The following MBD6 variants were observed in gnomAD, a reference collection of about 807,000 sequenced individuals.
The protein encoded by MBD6 is methyl-CpG binding domain protein 6.
A neutral mutation model predicts 66.8 loss-of-function variants in MBD6; 22 were observed. The ratio of observed to expected loss-of-function variants is 0.33; its 90% confidence interval spans 0.24 to 0.47. The LOEUF is 0.47. Among genes scored for constraint, MBD6 ranks in the 20% least tolerant of loss-of-function variants. The probability of loss-of-function intolerance (pLI) is 1.00; values close to 1 mark genes in which losing one functional copy is unlikely to be tolerated. For missense variants in MBD6, 1,322 were observed against 1,286.9 expected, an observed-to-expected ratio of 1.03 and a Z score of -0.42; for synonymous variants, 540 against 534.6, an observed-to-expected ratio of 1.01 and a Z score of -0.14.
intron 2 of MBD6, 82 bp from the exon 3 acceptor site, chr12:57,524,198 C>A: frequency 1.2e-6 from 1 of 831,576 alleles, no homozygotes; most frequent in Non-Finnish European, 1.8e-6. Flanking sequence ...CTCCCCACAA[C>A]CTTTGCCTTC....
Position 57,526,965 on chromosome 12 carries a change from C to T in MBD6, c.1820C>T (p.Pro607Leu), listed in dbSNP as rs1565666898. The change falls in exon 7 of 13, where the codon CCC becomes CTC. Residue 607 changes from proline to leucine, a missense_variant. Pro to Leu is a moderately conservative substitution (Grantham distance 98). Coordinates refer to ENST00000355673, the MANE Select transcript of MBD6 (RefSeq NM_052897.4). ...GTGGCTTCCTTGCTTCCTCCACCAC[C>T]CTCAGACCTTCTTCCACCTCCTTCA... ...LLVASLLPPP[P>L]SDLLPPPSAP... The T allele has an allele frequency of 1.9e-6, 3 of 1,613,694 alleles. No homozygotes were observed. Among genetic ancestry groups the T allele is most frequent in the African/African-American group, 1.3e-5 (1 of 74,894 alleles).
At chr12:57,529,111 C>T (rs757561291) in intron 12 of MBD6, 49 bp from the exon 13 acceptor site, 1 of 1,613,368 alleles carries the variant, frequency 6.2e-7, no homozygotes, top group Non-Finnish European at 8.5e-7. Context: ...AGAAGACTTC[C>T]TGATACCTAG....
chr12:57,526,182 C>T lies in MBD6; in HGVS notation c.1214C>T (p.Ser405Phe). The change falls in exon 6 of 13, where the codon TCC becomes TTC. Residue 405 changes from serine (S) to phenylalanine (F), a missense_variant. Ser to Phe is a radical substitution (Grantham distance 155, BLOSUM62 -2). Transcript: ENST00000355673. Reference sequence around the variant, plus strand: ...CAACCCTTTTCTCTCCCGGAGCCATCCCAACCAATTCTCCCTTCTGTGCTG... The same window carrying T: ...CAACCCTTTTCTCTCCCGGAGCCATTCCAACCAATTCTCCCTTCTGTGCTG... The part of the protein sequence containing the change: ...VPQPFSLPEP[S>F]QPILPSVLSL... 1.2e-6 allele frequency: 2 copies of T among 1,614,162 alleles called. No homozygotes were observed. The highest frequency in any genetic ancestry group is 1.1e-5 in the South Asian group (1 of 91,082).
At position 57,525,357 on chromosome 12, in the gene MBD6, C is replaced by A. The variant is rs779423513; in HGVS notation, c.389C>A (p.Ala130Glu). The part of the protein sequence containing the change: ...TCSHSSPGEG[A>E]SPQMFHTVSP... Reference sequence around the variant, plus strand: ...TTTTCATTTATTGCAGGAGAGGGAGCGAGCCCCCAAATGTTCCACACTGTG... The same window carrying A: ...TTTTCATTTATTGCAGGAGAGGGAGAGAGCCCCCAAATGTTCCACACTGTG... Residue 130 changes from alanine (A) to glutamate (E), a missense_variant, in exon 6 of 13, where the codon GCG becomes GAG. Coordinates refer to ENST00000355673, the MANE Select transcript of MBD6 (RefSeq NM_052897.4). 6.4e-6 allele frequency: 10 copies of A among 1,562,640 alleles called. No individual in the cohort carries two copies. The highest frequency in any genetic ancestry group is 8.6e-6 in the Non-Finnish European group (10 of 1,160,788).
chr12:57,526,569 C>T lies in MBD6; in HGVS notation c.1424C>T (p.Ala475Val). 1 of 1,511,844 alleles carries T rather than the reference C, an allele frequency of 6.6e-7. No homozygotes were observed. Among genetic ancestry groups the T allele is most frequent in the Non-Finnish European group, 8.8e-7 (1 of 1,131,666 alleles). 93.7% of individuals were successfully genotyped at this position (1,511,844 alleles called of 1,614,324 possible). A position where few individuals can be genotyped will look rare whatever the true frequency, so the allele number is the denominator to read the frequency against. Reference sequence around the variant, plus strand: ...GAATTTCTCTCCTCTTTTACAGGTGCCCCTGCCCCACCAGCTGCCTCCAAA... The same window carrying T: ...GAATTTCTCTCCTCTTTTACAGGTGTCCCTGCCCCACCAGCTGCCTCCAAA... Reference protein sequence around the residue: ...TSGSLSSVPGAPAPPAASKAP... With the variant: ...TSGSLSSVPGVPAPPAASKAP... Residue 475 changes from alanine to valine, a missense_variant, in exon 7 of 13, where the codon GCC becomes GTC. By Grantham distance (64) the Ala-to-Val change is moderately conservative. Coordinates refer to ENST00000355673, the MANE Select transcript of MBD6 (RefSeq NM_052897.4).
At chr12:57,523,858 G>A (rs922637206) in intron 1 of MBD6, among the ~76,000 whole-genome samples, 171 bp from the exon 2 acceptor site, 1 of 152,248 alleles carries the variant, frequency 6.6e-6, no homozygotes, top group Non-Finnish European at 1.5e-5. Context: ...CTGGTCCCTA[G>A]GGACTGGGCT....
chr12:57,527,560 G>A lies in MBD6; in HGVS notation c.2136G>A (p.Thr712=), dbSNP rs754288532. The A allele has an allele frequency of 8.7e-6, 14 of 1,613,940 alleles. No homozygotes were observed. The highest frequency in any genetic ancestry group is 4.0e-5 in the African/African-American group (3 of 74,906). ...GACCACCTACCTCCAGTGTCACCAC[G>A]GCAACTACTGACCCGGGGGCCTCCT... ...QPGPPTSSVT[T]ATTDPGASSL... Residue 712 remains threonine, a synonymous_variant, in exon 8 of 13, where the codon ACG becomes ACA. Coordinates refer to ENST00000355673, the MANE Select transcript of MBD6 (RefSeq NM_052897.4).
At position 57,529,001 on chromosome 12, in the gene MBD6, A is replaced by G; in HGVS notation, c.2929A>G (p.Thr977Ala). ...RQDITLEPSP[T>A]ARAAVPLPPR... ...GGACATTACCTTGGAACCCAGCCCTACAGCCCGAGTAAGTGTGTGTTTGGG... is the reference window on the plus strand; with the variant it reads ...GGACATTACCTTGGAACCCAGCCCTGCAGCCCGAGTAAGTGTGTGTTTGGG... The change falls in exon 12 of 13, where the codon ACA becomes GCA. Residue 977 changes from threonine (T) to alanine (A), a missense_variant. Coordinates refer to ENST00000355673, the MANE Select transcript of MBD6 (RefSeq NM_052897.4). 1 of 1,614,062 alleles carries G rather than the reference A, an allele frequency of 6.2e-7. No individual in the cohort carries two copies. Among genetic ancestry groups the G allele is most frequent in the Non-Finnish European group, 8.5e-7 (1 of 1,179,992 alleles).
upstream of MBD6, chr12:57,521,932 G>T (rs1246672646): frequency 1.3e-5 from 2 of 152,136 alleles, no homozygotes; most frequent in Non-Finnish European, 2.9e-5. Flanking sequence ...GGATCTTACC[G>T]TCCTTGTTTG....
Position 57,527,488 on chromosome 12 carries a change from A to C in MBD6, c.2083-19A>C. On this transcript the variant is annotated intron_variant, in intron 7 of 12. Coordinates refer to ENST00000355673, the MANE Select transcript of MBD6 (RefSeq NM_052897.4). ...AGTATTTTACACGCGTAAGTGTTAGAATCATTCTTTTTTCTTAGCCCTGTG... is the reference window on the plus strand; with the variant it reads ...AGTATTTTACACGCGTAAGTGTTAGCATCATTCTTTTTTCTTAGCCCTGTG... The C allele has an allele frequency of 6.2e-7, 1 of 1,613,638 alleles. No individual in the cohort carries two copies. The highest frequency in any genetic ancestry group is 1.1e-5 in the South Asian group (1 of 91,080).
Position 57,525,417 on chromosome 12 carries a change from G to A in MBD6, c.449G>A (p.Arg150Gln), listed in dbSNP as rs1392339843. 6 of 1,537,678 alleles carry A rather than the reference G, an allele frequency of 3.9e-6. No individual in the cohort carries two copies. Among genetic ancestry groups the A allele is most frequent in the East Asian group, 4.6e-5 (2 of 43,952 alleles). The change falls in exon 6 of 13, where the codon CGA (arginine) becomes CAA (glutamine). Residue 150 changes from arginine (R) to glutamine (Q), a missense_variant. By Grantham distance (43) the Arg-to-Gln change is conservative. Coordinates refer to ENST00000355673, the MANE Select transcript of MBD6 (RefSeq NM_052897.4). ...CCCCCCTCTGCCCGCCCTCCCTGTC[G>A]AGTTCCTCCTACAACTCCACTTAAT... The part of the protein sequence containing the change: ...PGPPSARPPC[R>Q]VPPTTPLNGG...
Position 57,526,046 on chromosome 12 carries a change from C to A in MBD6, c.1078C>A (p.Arg360Ser). 6.2e-7 allele frequency: 1 copy of A among 1,614,010 alleles called. No individual in the cohort carries two copies. The highest frequency in any genetic ancestry group is 8.5e-7 in the Non-Finnish European group (1 of 1,179,968). ...CTCAGCTTCCCACTCCTCATCACTT[C>A]GTCCCTCTCAGCGTCGTCCCCGCAG... ...APSASHSSSL[R>S]PSQRRPRRPP... The change falls in exon 6 of 13, where the codon CGT becomes AGT. Residue 360 changes from arginine to serine, a missense_variant. Transcript: ENST00000355673.
In MBD6 at chr12:57,527,208, C is replaced by A; in HGVS notation, c.2063C>A (p.Pro688His). The A allele has an allele frequency of 1.3e-6, 2 of 1,511,786 alleles. No homozygotes were observed. Among genetic ancestry groups the A allele is most frequent in the Middle Eastern group, 1.8e-4 (1 of 5,472 alleles). 93.6% of individuals were successfully genotyped at this position (1,511,786 alleles called of 1,614,324 possible). ...CTGCTGGCTGCCACCCTGGATCCCCCCTCGGGGACACCCCCCCAGGTGAGG... is the reference window on the plus strand; with the variant it reads ...CTGCTGGCTGCCACCCTGGATCCCCACTCGGGGACACCCCCCCAGGTGAGG... ...SALLAATLDP[P>H]SGTPPQPCVL... Residue 688 changes from proline (P) to histidine (H), a missense_variant, in exon 7 of 13, where the codon CCC (proline) becomes CAC (histidine). By Grantham distance (77) the Pro-to-His change is moderately conservative. Transcript: ENST00000355673.
chr12:57,528,062 A>T, intron 9 of MBD6, 45 bp downstream of exon 9: 1 of 1,529,148 alleles, frequency 6.5e-7, no homozygotes, highest in South Asian at 1.3e-5. Context: ...ATTTTTTCTC[A>T]AACTGGAAAT....
intron 7 of MBD6, 75 bp from the exon 8 acceptor site, chr12:57,527,428 CAGAT>C (rs1879075537): frequency 6.7e-7 from 1 of 1,498,184 alleles, no homozygotes; most frequent in Non-Finnish European, 9.3e-7. Context: ...AGGCTTCAGT[CAGAT>C]AGTGGATGTG....
chr12:57,527,069 G>A lies in MBD6; in HGVS notation c.1924G>A (p.Ala642Thr). ...CACAGCTGGGGATGGGGAGGGATCTGCAGAGGGAGCCGGGGGTCCAAGTGG... is the reference window on the plus strand; with the variant it reads ...CACAGCTGGGGATGGGGAGGGATCTACAGAGGGAGCCGGGGGTCCAAGTGG... ...GPTAGDGEGS[A>T]EGAGGPSGEP... The change falls in exon 7 of 13, where the codon GCA (alanine) becomes ACA (threonine). Residue 642 changes from alanine (A) to threonine (T), a missense_variant. Physicochemically the swap from Ala to Thr is moderately conservative, Grantham distance 58. Coordinates refer to ENST00000355673, the MANE Select transcript of MBD6 (RefSeq NM_052897.4). The A allele has an allele frequency of 6.2e-7, 1 of 1,605,826 alleles. No homozygotes were observed.
chr12:57,525,569 C>T lies in MBD6; in HGVS notation c.601C>T (p.Pro201Ser). Residue 201 changes from proline (P) to serine (S), a missense_variant, in exon 6 of 13, where the codon CCC becomes TCC. Physicochemically the swap from Pro to Ser is moderately conservative, Grantham distance 74 (BLOSUM62 -1). Coordinates refer to ENST00000355673, the MANE Select transcript of MBD6 (RefSeq NM_052897.4). ...AGTCCCTTCTGGGGGCAGTAGCAGCCCCCGTTTCCTCCCAAGGGGCAATGC... is the reference window on the plus strand; with the variant it reads ...AGTCCCTTCTGGGGGCAGTAGCAGCTCCCGTTTCCTCCCAAGGGGCAATGC... ...DPVPSGGSSS[P>S]RFLPRGNAPS... The T allele has an allele frequency of 1.9e-6, 3 of 1,610,016 alleles. No individual in the cohort carries two copies. Among genetic ancestry groups the T allele is most frequent in the Non-Finnish European group, 2.5e-6 (3 of 1,177,842 alleles).
chr12:57,526,037 T>A lies in MBD6; in HGVS notation c.1069T>A (p.Ser357Thr). ...RAQAPSASHS[S>T]SLRPSQRRPR... ...CCAGGCACCCTCAGCTTCCCACTCC[T>A]CATCACTTCGTCCCTCTCAGCGTCG... Residue 357 changes from serine to threonine, a missense_variant, in exon 6 of 13, where the codon TCA becomes ACA. Ser to Thr is a moderately conservative substitution (Grantham distance 58). Coordinates refer to ENST00000355673, the MANE Select transcript of MBD6 (RefSeq NM_052897.4). 1.2e-6 allele frequency: 2 copies of A among 1,611,442 alleles called. 1 individual carries two copies. The highest frequency in any genetic ancestry group is 2.2e-5 in the South Asian group (2 of 90,940).
Position 57,529,994 on chromosome 12 carries a change from G to A in MBD6, c.*760G>A, listed in dbSNP as rs1465817128. 1 of 152,716 alleles carries A rather than the reference G, an allele frequency of 6.5e-6. No individual in the cohort carries two copies. The highest frequency in any genetic ancestry group is 1.5e-5 in the Non-Finnish European group (1 of 68,114). 9.5% of individuals were successfully genotyped at this position (152,716 alleles called of 1,614,324 possible). On this transcript the variant is annotated 3_prime_UTR_variant, in exon 13 of 13. Transcript: ENST00000355673. ...GTGGTCCAACCGGAGCGGCCAGCAT[G>A]ACCAGCTGTCCAGGGGCTGCCTCCT...
Sources: allele counts gnomAD v4.1 joint callset (sites outside exome capture counted in the v4.1 genomes callset), GRCh38; gene constraint gnomAD v4.1.1; transcripts MANE v1.5; gene names NCBI Gene and HGNC (gene_info 2026-07-23, HGNC 2026-07-21).